TLE3: variants seen among roughly 807,000 people sequenced by gnomAD.
The protein encoded by TLE3 is transducin-like enhancer protein 3.
TLE3 carries 14 observed loss-of-function variants against 93.0 expected under a neutral mutation model. The observed-to-expected ratio is 0.15, with a 90% CI of 0.10 to 0.24. The LOEUF (loss-of-function observed/expected upper bound fraction) is 0.24. TLE3 is among the 10% of genes least tolerant of loss of function. The pLI is 1.00. For synonymous variants in TLE3, 451 were observed against 425.0 expected (o/e 1.06, Z -0.75); for missense variants, 693 against 1,046.6 (o/e 0.66, Z 4.66).
intron 4 of TLE3, among the ~76,000 whole-genome samples, chr15:70,085,138 T>A (rs1020940708): frequency 6.6e-6 from 1 of 152,248 alleles, no homozygotes; most frequent in African/African-American, 2.4e-5. Flanking sequence ...AAAGTTCTAC[T>A]GGACAGCACT....
At position 70,080,396 on chromosome 15, in the gene TLE3, C is replaced by T. The variant is rs183094580; in HGVS notation, c.235-4238G>A. On this transcript the variant is annotated intron_variant, in intron 4 of 19. Coordinates refer to ENST00000451782, the MANE Select transcript of TLE3 (RefSeq NM_001105192.3). Reference sequence around the variant, plus strand: ...CTTTTCAAGTATGGTTCAAAGCAGGCGCTTTGTTGGTGGAAAAACATTGTT... The same window carrying T: ...CTTTTCAAGTATGGTTCAAAGCAGGTGCTTTGTTGGTGGAAAAACATTGTT... 1.3e-3 allele frequency among the ~76,000 whole-genome samples: 191 copies of T among 152,224 alleles called. 1 individual carries two copies. The highest frequency in any genetic ancestry group is 6.8e-3 in the Middle Eastern group (2 of 294).
Position 70,066,235 on chromosome 15 carries a change from G to A in TLE3, c.373-17C>T. The stretch of plus-strand genomic sequence containing the variant: ...CTGCTGCTGCTGCAATGAAGTCGGT[G>A]GTGAGTACAGCTGAGTTGGGGAGGG... On this transcript the variant is annotated splice_polypyrimidine_tract_variant and intron_variant, in intron 6 of 19. Transcript: ENST00000451782. The A allele has an allele frequency of 6.6e-7, 1 of 1,511,068 alleles. No individual in the cohort carries two copies. Among genetic ancestry groups the A allele is most frequent in the Non-Finnish European group, 8.8e-7 (1 of 1,130,434 alleles). The allele number at this position is 1,511,068 out of a possible 1,614,324, so 93.6% of individuals were successfully genotyped here. A position where few individuals can be genotyped will look rare whatever the true frequency, so the allele number is the denominator to read the frequency against.
In TLE3 at chr15:70,058,663, A is replaced by G. The variant is rs2056253793; in HGVS notation, c.918T>C (p.His306=). 1.3e-6 allele frequency: 2 copies of G among 1,593,258 alleles called. No individual in the cohort carries two copies. The highest frequency in any genetic ancestry group is 1.1e-5 in the South Asian group (1 of 87,674). The change falls in exon 11 of 20, where the codon CAT becomes CAC. Residue 306 remains histidine, a splice_region_variant and synonymous_variant. Transcript: ENST00000451782. The surrounding 1 kb of genome is among the most constrained non-coding windows in gnomAD (Gnocchi z 4.1). ...TCCCTTCCACCCAGACCCCACATAC[A>G]TGACCAAGGTCTTTGGTCTTGGAGG... is the stretch of plus-strand genomic sequence containing the variant. ...TPSSKTKDLG[H]NDKSSTPGLK...
chr15:70,052,733 G>C, intron 17 of TLE3: 2 of 403,706 alleles, frequency 5.0e-6, no homozygotes, highest in Non-Finnish European at 8.6e-6. Context: ...CTGTCTCTGA[G>C]ACTTTCATCT....
intron 8 of TLE3, chr15:70,060,880 T>C (rs752529234): frequency 6.5e-5 from 38 of 582,992 alleles, no homozygotes; most frequent in Non-Finnish European, 1.1e-4. Flanking sequence ...CAATTCTCTT[T>C]TGCAGCTCTG....
At chr15:70,056,948 C>T (rs1364744009) in intron 13 of TLE3, among the ~76,000 whole-genome samples, 1 of 152,138 alleles carries the variant, frequency 6.6e-6, no homozygotes, top group Non-Finnish European at 1.5e-5. Context: ...GAGGTTTCAC[C>T]ACGTTGGCTG....
At chr15:70,095,079 G>A (rs2058486077) in intron 3 of TLE3, among the ~76,000 whole-genome samples, 1 of 152,174 alleles carries the variant, frequency 6.6e-6, no homozygotes, top group South Asian at 2.1e-4. Context: ...GGGAGTGGAG[G>A]CAGAGAGAGC....
chr15:70,087,572 A>G (rs969268100), intron 4 of TLE3, among the ~76,000 whole-genome samples: 1 of 152,226 alleles, frequency 6.6e-6, no homozygotes, highest in Non-Finnish European at 1.5e-5. Flanking sequence ...TCCTTCACAC[A>G]GTGGGTGATG....
intron 4 of TLE3, among the ~76,000 whole-genome samples, chr15:70,084,310 G>A (rs774067454): frequency 2.6e-4 from 40 of 152,212 alleles, no homozygotes; most frequent in Non-Finnish European, 4.9e-4. Context: ...GTTACAACTT[G>A]GGCACTGATA....
At position 70,076,389 on chromosome 15, in the gene TLE3, A is replaced by G. The variant is rs191568594; in HGVS notation, c.235-231T>C. On this transcript the variant is annotated intron_variant, in intron 4 of 19. Coordinates refer to ENST00000451782, the MANE Select transcript of TLE3 (RefSeq NM_001105192.3). ...GCTGCCTACATTTTAGGGAGCTCCAATTTCCATCAGAGGTAGTCTACATGT... is the reference window on the plus strand; with the variant it reads ...GCTGCCTACATTTTAGGGAGCTCCAGTTTCCATCAGAGGTAGTCTACATGT... Among the ~76,000 whole-genome samples, 296 of 152,300 alleles carry G rather than the reference A, an allele frequency of 1.9e-3. 2 individuals are homozygous for G. The highest frequency in any genetic ancestry group is 6.9e-3 in the African/African-American group (287 of 41,576).
At chr15:70,075,819 T>C (rs915423251) in intron 5 of TLE3, among the ~76,000 whole-genome samples, 10 of 152,170 alleles carry the variant, frequency 6.6e-5, no homozygotes, top group Non-Finnish European at 1.3e-4. Flanking sequence ...TGCCCACTGA[T>C]GGTTAGGTCG....
intron 12 of TLE3, 177 bp from the exon 13 acceptor site, chr15:70,057,835 G>A (rs1371083880): frequency 2.4e-6 from 2 of 819,080 alleles, no homozygotes; most frequent in Non-Finnish European, 3.8e-6. Context: ...CTTAGAGCTT[G>A]GCAGATGCAC....
intron 8 of TLE3, among the ~76,000 whole-genome samples, chr15:70,062,604 A>G (rs1393268154): frequency 6.6e-6 from 1 of 152,162 alleles, no homozygotes; most frequent in African/African-American, 2.4e-5. Context: ...GGAAATATGA[A>G]TGAAGCTACC....
At position 70,048,274 on chromosome 15, in the gene TLE3, C is replaced by T. The variant is rs1258169819; in HGVS notation, c.*1823G>A. ...AATGACTTTTCATTCTTTTTTTCTT[C>T]GGGAATAACTTTCTTCTACCCTCAC... On this transcript the variant is annotated 3_prime_UTR_variant, in exon 20 of 20. Coordinates refer to ENST00000451782, the MANE Select transcript of TLE3 (RefSeq NM_001105192.3). 5.9e-5 allele frequency: 9 copies of T among 151,868 alleles called. No individual in the cohort carries two copies. Among genetic ancestry groups the T allele is most frequent in the Non-Finnish European group, 1.0e-4 (7 of 67,954 alleles). 9.4% of individuals were successfully genotyped at this position (151,868 alleles called of 1,614,324 possible).
intron 4 of TLE3, among the ~76,000 whole-genome samples, chr15:70,077,631 A>G (rs1245296587): frequency 1.6e-4 from 24 of 152,190 alleles, no homozygotes. Flanking sequence ...GGGTTTTTGC[A>G]GGCCTGTGTC....
rs1336652626 is a variant in TLE3, at chr15:70,054,702, C to T, written c.1579-17G>A. ...GTCCCTGTTCTGGAGGGAGAAGGGG[C>T]AGGGCTGAGTGCTGCCTACTTCCCC... On this transcript the variant is annotated splice_polypyrimidine_tract_variant and intron_variant, in intron 15 of 19. Coordinates refer to ENST00000451782, the MANE Select transcript of TLE3 (RefSeq NM_001105192.3). The T allele has an allele frequency of 6.4e-7, 1 of 1,564,294 alleles. No individual in the cohort carries two copies. The highest frequency in any genetic ancestry group is 8.7e-7 in the Non-Finnish European group (1 of 1,151,500).
rs758476778 is a variant in TLE3 at position 70,059,477 on chromosome 15, A to C, written c.715-17T>G. ...ATCACTGTCCTGCAACCAAGAGAGAAGCCAACTGGTCAGTAAGAGGCCACA... is the reference window on the plus strand; with the variant it reads ...ATCACTGTCCTGCAACCAAGAGAGACGCCAACTGGTCAGTAAGAGGCCACA... On this transcript the variant is annotated splice_polypyrimidine_tract_variant and intron_variant, in intron 9 of 19. Coordinates refer to ENST00000451782, the MANE Select transcript of TLE3 (RefSeq NM_001105192.3). 6.2e-7 allele frequency: 1 copy of C among 1,603,820 alleles called. No homozygotes were observed. The highest frequency in any genetic ancestry group is 8.5e-7 in the Non-Finnish European group (1 of 1,175,086).
At chr15:70,054,926 G>T in intron 15 of TLE3, 123 bp downstream of exon 15, 1 of 1,388,476 alleles carries the variant, frequency 7.2e-7, no homozygotes, top group Non-Finnish European at 9.5e-7. Context: ...AGGTTAGTCA[G>T]CTTGCCTAAA....
At chr15:70,056,541 C>A (rs1395402512) in intron 13 of TLE3, among the ~76,000 whole-genome samples, 167 bp from the exon 14 acceptor site, 16 of 152,104 alleles carry the variant, frequency 1.1e-4, no homozygotes, top group Admixed American at 1.0e-3. Flanking sequence ...AGACACAGGC[C>A]CAGGACAGCC....
Sources: allele counts gnomAD v4.1 joint callset (sites outside exome capture counted in the v4.1 genomes callset), GRCh38; gene constraint gnomAD v4.1.1; non-coding constraint Gnocchi (gnomAD v3.1); transcripts MANE v1.5; gene names NCBI Gene and HGNC (gene_info 2026-07-23, HGNC 2026-07-21).